Variants in NPL observed in about 807,000 individuals in gnomAD.
NPL encodes the protein N-acetylneuraminate pyruvate lyase.
A neutral mutation model predicts 41.1 loss-of-function variants in NPL; 32 were observed. The observed-to-expected ratio is 0.78, with a 90% CI of 0.59 to 1.05. The LOEUF is 1.05. NPL is among the 50% of genes least tolerant of loss of function. The pLI, the probability that NPL is intolerant of heterozygous loss-of-function variation, is 0.00. For missense variants in NPL, 321 were observed against 378.4 expected, an observed-to-expected ratio of 0.85 and a Z score of 1.26; for synonymous variants, 128 against 134.9, an observed-to-expected ratio of 0.95 and a Z score of 0.35.
At chr1:182,792,700 A>G (rs1428404218) in intron 2 of NPL, among the ~76,000 whole-genome samples, 2 of 152,260 alleles carry the variant, frequency 1.3e-5, no homozygotes, top group Non-Finnish European at 2.9e-5. Context: ...GAGCAAAGCT[A>G]CATGCAGGAC....
chr1:182,824,723 G>A (rs1667585080), intron 11 of NPL, among the ~76,000 whole-genome samples: 1 of 152,112 alleles, frequency 6.6e-6, no homozygotes, highest in Non-Finnish European at 1.5e-5. Context: ...CATGAACCTG[G>A]GAGGCAGAGC....
intron 7 of NPL, among the ~76,000 whole-genome samples, 156 bp downstream of exon 7, chr1:182,815,014 C>T (rs1475500012): frequency 6.6e-6 from 1 of 152,212 alleles, no homozygotes; most frequent in Non-Finnish European, 1.5e-5. Flanking sequence ...TTTGCTCTCC[C>T]TGGATCCATA....
Position 182,828,738 on chromosome 1 carries a change from C to G in NPL, c.793C>G (p.Gln265Glu). ...FVVKLGFGVSQTKAIMTLVSG... is the reference protein window; with the variant it reads ...FVVKLGFGVSETKAIMTLVSG... ...TTCCCGTCTAGGTTTTGGAGTGTCA[C>G]AGACCAAAGCCATCATGACTCTGGT... is the stretch of plus-strand genomic sequence containing the variant. Residue 265 changes from glutamine to glutamate, a missense_variant, in exon 13 of 13, where the codon CAG becomes GAG. Transcript: ENST00000367553. The surrounding 1 kb of genome is among the most constrained non-coding windows in gnomAD (Gnocchi z 4.0). The G allele has an allele frequency of 6.2e-7, 1 of 1,614,214 alleles. No individual in the cohort carries two copies. Among genetic ancestry groups the G allele is most frequent in the Non-Finnish European group, 8.5e-7 (1 of 1,180,030 alleles).
At chr1:182,810,311 T>TA (rs1453617420) in intron 5 of NPL, among the ~76,000 whole-genome samples, 2 of 152,146 alleles carry the variant, frequency 1.3e-5, no homozygotes, top group Admixed American at 6.5e-5. Flanking sequence ...TCAGAACAAA[T>TA]ATCGCCTTTT....
At position 182,828,722 on chromosome 1, in the gene NPL, A is replaced by G; in HGVS notation, c.779-2A>G. The G allele has an allele frequency of 6.2e-7, 1 of 1,614,108 alleles. No homozygotes were observed. The highest frequency in any genetic ancestry group is 8.5e-7 in the Non-Finnish European group (1 of 1,180,016). ...GTTTCCTCATTTGTTTTTCCCGTCT[A>G]GGTTTTGGAGTGTCACAGACCAAAG... On this transcript the variant is annotated splice_acceptor_variant, in intron 12 of 12. Transcript: ENST00000367553. LOFTEE classifies it high-confidence loss of function. This position sits in a 1 kb window ranked among gnomAD's most constrained non-coding sequence, Gnocchi z 4.0.
chr1:182,811,424 T>C (rs180687190), intron 5 of NPL, among the ~76,000 whole-genome samples: 2 of 152,114 alleles, frequency 1.3e-5, no homozygotes, highest in East Asian at 3.9e-4. Context: ...AGACAGGGTT[T>C]TGCCATGTTG....
chr1:182,800,853 A>G (rs1666827442), intron 3 of NPL, among the ~76,000 whole-genome samples: 1 of 148,836 alleles, frequency 6.7e-6, no homozygotes, highest in African/African-American at 2.5e-5. Context: ...CAGCATCCCT[A>G]TTACAGGCTG....
At chr1:182,814,612 G>A (rs528352255) in intron 6 of NPL, among the ~76,000 whole-genome samples, 171 bp from the exon 7 acceptor site, 5 of 152,272 alleles carry the variant, frequency 3.3e-5, no homozygotes, top group South Asian at 4.1e-4. Flanking sequence ...TCTACTTTGC[G>A]ACCTGGGATT....
chr1:182,797,897 T>C (rs1666721904), intron 3 of NPL, among the ~76,000 whole-genome samples: 2 of 152,250 alleles, frequency 1.3e-5, no homozygotes. Context: ...TTATCTTATA[T>C]CTTAAGCATG....
chr1:182,819,757 C>T (rs1029900726), intron 10 of NPL, among the ~76,000 whole-genome samples: 1 of 152,226 alleles, frequency 6.6e-6, no homozygotes, highest in African/African-American at 2.4e-5. Flanking sequence ...GCTATAGACT[C>T]TGGTGACCAG....
At chr1:182,790,894 C>T (rs6424870) in intron 1 of NPL, among the ~76,000 whole-genome samples, 12,006 of 152,254 alleles carry the variant, frequency 0.079, 535 homozygotes, top group African/African-American at 0.13. Context: ...CCGCCCACCT[C>T]GGCCTCCCAA....
In NPL at chr1:182,829,731, T is replaced by TCAG; in HGVS notation, c.*824_*825insAGC. 8.6e-7 allele frequency: 1 copy of TCAG among 1,164,962 alleles called. No homozygotes were observed. The highest frequency in any genetic ancestry group is 1.3e-6 in the Non-Finnish European group (1 of 796,632). The allele number at this position is 1,164,962 out of a possible 1,614,324, so 72.2% of individuals were successfully genotyped here. A position where few individuals can be genotyped will look rare whatever the true frequency, so the allele number is the denominator to read the frequency against. ...GAATTATTGAAATCGAAGGCTGACTTCCTTTCTGCAGTGAGCCCAGGGGCT... is the reference window on the plus strand; with the variant it reads ...GAATTATTGAAATCGAAGGCTGACTTCAGCCTTTCTGCAGTGAGCCCAGGGGCT... On this transcript the variant is annotated 3_prime_UTR_variant, in exon 13 of 13. Coordinates refer to ENST00000367553, the MANE Select transcript of NPL (RefSeq NM_030769.3).
chr1:182,816,885 T>C, intron 8 of NPL, 79 bp downstream of exon 8: 1 of 1,105,882 alleles, frequency 9.0e-7, no homozygotes, highest in Admixed American at 1.8e-5. Flanking sequence ...CTCCACTCCA[T>C]CCCACCCTAC....
At chr1:182,810,570 T>C (rs1190598361) in intron 5 of NPL, among the ~76,000 whole-genome samples, 2 of 152,210 alleles carry the variant, frequency 1.3e-5, no homozygotes, top group African/African-American at 2.4e-5. Flanking sequence ...TTCTGCTTGG[T>C]TGAACCTTAA....
chr1:182,812,142 T>G lies in NPL; in HGVS notation c.231-14T>G. 5 of 1,613,788 alleles carry G rather than the reference T, an allele frequency of 3.1e-6. No individual in the cohort carries two copies. The highest frequency in any genetic ancestry group is 4.2e-6 in the Non-Finnish European group (5 of 1,179,676). On this transcript the variant is annotated splice_polypyrimidine_tract_variant and intron_variant, in intron 5 of 12. Transcript: ENST00000367553. ...TAAACTCTAAGCGATGCAGCAGTGT[T>G]TTTTCTTTTGCAGGCTGGATCAGGT...
chr1:182,809,312 G>A (rs967364228), intron 5 of NPL: 3 of 387,456 alleles, frequency 7.7e-6, no homozygotes, highest in African/African-American at 4.3e-5. Context: ...GCCAAGGTAG[G>A]CAGATCACCT....
Position 182,829,954 on chromosome 1 carries a change from G to T in NPL, c.*1046G>T, listed in dbSNP as rs1463044157. 2 of 264,690 alleles carry T rather than the reference G, an allele frequency of 7.6e-6. No homozygotes were observed. Among genetic ancestry groups the T allele is most frequent in the African/African-American group, 2.2e-5 (1 of 45,374 alleles). 16.4% of individuals were successfully genotyped at this position (264,690 alleles called of 1,614,324 possible). On this transcript the variant is annotated 3_prime_UTR_variant, in exon 13 of 13. Transcript: ENST00000367553. ...TTTCTGATATCAAAGTATATTGACA[G>T]TTAACCCTTACTGATTTTAAACTTG...
At chr1:182,813,025 C>A (rs1025077000) in intron 6 of NPL, among the ~76,000 whole-genome samples, 1 of 151,686 alleles carries the variant, frequency 6.6e-6, no homozygotes, top group Non-Finnish European at 1.5e-5. Context: ...TGGTGGTGGG[C>A]GCCTATAATC....
rs138979007 is a variant in NPL at position 182,818,818 on chromosome 1, G to A, written c.612G>A (p.Leu204=). 5.0e-6 allele frequency: 8 copies of A among 1,614,074 alleles called. No individual in the cohort carries two copies. The highest frequency in any genetic ancestry group is 5.9e-6 in the Non-Finnish European group (7 of 1,179,966). ...TATTTTTTGTTTCTGATTAGCAACT[G>A]TTGAGTGCTCTGGTGATGGGAGCAA... The part of the protein sequence containing the change: ...FAFLFGVDEQ[L]LSALVMGATG... Residue 204 remains leucine (L), a synonymous_variant, in exon 10 of 13, where the codon CTG becomes CTA. Transcript: ENST00000367553.
Sources: gnomAD v4.1 joint callset for allele counts (sites outside exome capture counted in the v4.1 genomes callset) on GRCh38, gnomAD v4.1.1 for gene constraint, Gnocchi (gnomAD v3.1) non-coding constraint, MANE v1.5 for transcripts, NCBI Gene and HGNC (gene_info 2026-07-23, HGNC 2026-07-21) for gene names.